The following ZNF407 variants were observed in gnomAD, a reference collection of about 807,000 sequenced individuals.
The protein encoded by ZNF407 is zinc finger protein 407.
Under a neutral mutation model 131.2 loss-of-function variants are expected in ZNF407, and 17 were observed. The observed-to-expected ratio is 0.13, with a 90% CI of 0.09 to 0.19. ZNF407 has a LOEUF of 0.19. ZNF407 is among the 10% of genes least tolerant of loss of function. The pLI is 1.00. For missense variants in ZNF407, 2,681 were observed against 2,830.6 expected, an observed-to-expected ratio of 0.95 and a Z score of 1.20; for synonymous variants, 1,156 against 1,062.0, an observed-to-expected ratio of 1.09 and a Z score of -1.72.
intron 1 of ZNF407, among the ~76,000 whole-genome samples, chr18:74,612,142 A>G (rs1258030683): frequency 6.6e-6 from 1 of 152,228 alleles, no homozygotes; most frequent in Non-Finnish European, 1.5e-5. Context: ...CTACTTGTAG[A>G]AGAATACACA....
chr18:75,060,569 G>C (rs1599317128), intron 8 of ZNF407, among the ~76,000 whole-genome samples: 1 of 145,612 alleles, frequency 6.9e-6, no homozygotes, highest in South Asian at 2.2e-4. Flanking sequence ...GCGATGGCGC[G>C]GTCTCGGCTC....
chr18:74,720,036 A>G (rs1967990902), intron 3 of ZNF407, among the ~76,000 whole-genome samples: 2 of 151,856 alleles, frequency 1.3e-5, no homozygotes, highest in Admixed American at 6.6e-5. Context: ...GCTGCATCGC[A>G]TGGTTGATCT....
intron 4 of ZNF407, among the ~76,000 whole-genome samples, chr18:74,806,398 C>T (rs905306934): frequency 9.9e-5 from 15 of 152,158 alleles, no homozygotes; most frequent in African/African-American, 3.6e-4. Context: ...TCTGCTTTAG[C>T]CTATGCCAAT....
chr18:74,817,918 A>G (rs1008788031), intron 4 of ZNF407, among the ~76,000 whole-genome samples: 1 of 152,248 alleles, frequency 6.6e-6, no homozygotes, highest in Non-Finnish European at 1.5e-5. Flanking sequence ...TGAGTGAGGT[A>G]GAATGGGTTG....
In ZNF407 at chr18:74,635,181, G is replaced by A. The variant is rs1281675566; in HGVS notation, c.4162G>A (p.Glu1388Lys). The A allele has an allele frequency of 6.2e-7, 1 of 1,614,018 alleles. No homozygotes were observed. The highest frequency in any genetic ancestry group is 8.5e-7 in the Non-Finnish European group (1 of 1,179,890). The change falls in exon 2 of 9, where the codon GAG (glutamate) becomes AAG (lysine). Residue 1388 changes from glutamate to lysine, a missense_variant. By Grantham distance (56) the Glu-to-Lys change is moderately conservative. Around this residue, in one of 6 missense-constraint regions of ZNF407, gnomAD observed 1,789 missense variants for 1,748.7 expected, o/e 1.02. Transcript: ENST00000299687. This position sits in a 1 kb window ranked among gnomAD's most constrained non-coding sequence, Gnocchi z 4.7. ...GATAGCAACGGGAGTGAGAATTAGT[G>A]AGCTGCCCTTGAAAGACTGTGCTCA... ...GLIATGVRIS[E>K]LPLKDCAQGV...
In ZNF407 at chr18:74,633,059, A is replaced by G. The variant is rs1235349461; in HGVS notation, c.2040A>G (p.Lys680=). 2 of 1,613,852 alleles carry G rather than the reference A, an allele frequency of 1.2e-6. No individual in the cohort carries two copies. Among genetic ancestry groups the G allele is most frequent in the Non-Finnish European group, 1.7e-6 (2 of 1,179,900 alleles). ...AAGAGTCTATGGATGACTCAGGAAA[A>G]GCATCTCAGGAAGAACCTCTGAAGT... The part of the protein sequence containing the change: ...NAKESMDDSG[K]ASQEEPLKSR... The change falls in exon 2 of 9, where the codon AAA becomes AAG. Residue 680 remains lysine, a synonymous_variant. Coordinates refer to ENST00000299687, the MANE Select transcript of ZNF407 (RefSeq NM_017757.3).
chr18:74,892,395 A>G (rs1033747753), intron 7 of ZNF407, among the ~76,000 whole-genome samples: 1 of 152,174 alleles, frequency 6.6e-6, no homozygotes, highest in Non-Finnish European at 1.5e-5. Flanking sequence ...TCATAGGATT[A>G]TGGTAAATAT....
chr18:74,778,337 C>G (rs1468754243), intron 3 of ZNF407, among the ~76,000 whole-genome samples: 1 of 152,220 alleles, frequency 6.6e-6, no homozygotes, highest in Non-Finnish European at 1.5e-5. Context: ...TATTCCTTGG[C>G]AGGCACCGTG....
chr18:74,864,697 T>G (rs950474082), intron 4 of ZNF407, among the ~76,000 whole-genome samples: 3 of 151,938 alleles, frequency 2.0e-5, no homozygotes, highest in African/African-American at 7.3e-5. Flanking sequence ...ATTTAGGGAG[T>G]GTGTGAATAT....
In ZNF407 at chr18:74,761,446, C is replaced by G. The variant is rs78000575; in HGVS notation, c.4803-19982C>G. On this transcript the variant is annotated intron_variant, in intron 3 of 8. Transcript: ENST00000299687. ...TTAGCACAATTTTTTTTACAAAGCACATTGTCTGAAAATATTTATTAATTG... is the reference window on the plus strand; with the variant it reads ...TTAGCACAATTTTTTTTACAAAGCAGATTGTCTGAAAATATTTATTAATTG... 9.9e-3 allele frequency among the ~76,000 whole-genome samples: 1,506 copies of G among 152,026 alleles called. 26 individuals are homozygous for G. The highest frequency in any genetic ancestry group is 0.035 in the African/African-American group (1,443 of 41,450).
intron 4 of ZNF407, among the ~76,000 whole-genome samples, chr18:74,809,447 T>C (rs1970162265): frequency 6.6e-6 from 1 of 152,202 alleles, no homozygotes; most frequent in African/African-American, 2.4e-5. Context: ...AATCTCTAGG[T>C]TTCAGTTTAT....
chr18:74,809,011 A>G (rs976686900), intron 4 of ZNF407, among the ~76,000 whole-genome samples: 1 of 152,216 alleles, frequency 6.6e-6, no homozygotes, highest in African/African-American at 2.4e-5. Context: ...AACCGTGGGT[A>G]AATAAGAGTG....
chr18:75,036,964 G>A (rs979371032), intron 8 of ZNF407, among the ~76,000 whole-genome samples: 6 of 152,178 alleles, frequency 3.9e-5, no homozygotes, highest in African/African-American at 9.6e-5. Flanking sequence ...AGAACTACGC[G>A]GATTGTCTTT....
At chr18:75,003,017 GTTCTT>G (rs1972866431) in intron 8 of ZNF407, among the ~76,000 whole-genome samples, 1 of 152,134 alleles carries the variant, frequency 6.6e-6, no homozygotes, top group Admixed American at 6.5e-5. Context: ...TTCATGCTTG[GTTCTT>G]AGGACACAGA....
chr18:75,060,531 A>T (rs1349801985), intron 8 of ZNF407, among the ~76,000 whole-genome samples: 1 of 103,228 alleles, frequency 9.7e-6, no homozygotes, highest in African/African-American at 3.7e-5. Context: ...TTTGCGACGG[A>T]GTCTCGCTCT....
intron 4 of ZNF407, among the ~76,000 whole-genome samples, chr18:74,793,321 T>C (rs10514140): frequency 0.17 from 25,398 of 152,174 alleles, 2,402 homozygotes; most frequent in Non-Finnish European, 0.22. Context: ...TGTAATATTT[T>C]TAGTTTTCAG....
intron 4 of ZNF407, among the ~76,000 whole-genome samples, chr18:74,831,069 G>C (rs899052036): frequency 6.6e-6 from 1 of 152,150 alleles, no homozygotes; most frequent in African/African-American, 2.4e-5. Context: ...ATGTCCTCCA[G>C]TTCCATCTAT....
At chr18:75,018,001 A>G (rs1299247038) in intron 8 of ZNF407, among the ~76,000 whole-genome samples, 1 of 152,214 alleles carries the variant, frequency 6.6e-6, no homozygotes, top group Non-Finnish European at 1.5e-5. Flanking sequence ...CTTGGGTGGG[A>G]GAGTTTAATC....
At chr18:74,810,577 T>C (rs981681545) in intron 4 of ZNF407, among the ~76,000 whole-genome samples, 6 of 152,226 alleles carry the variant, frequency 3.9e-5, no homozygotes, top group Admixed American at 1.3e-4. Context: ...AACACTTTTA[T>C]TTATTCCTAG....
Sources: allele counts gnomAD v4.1 joint callset (sites outside exome capture counted in the v4.1 genomes callset), GRCh38; gene constraint gnomAD v4.1.1; regional missense constraint gnomAD v4.1.1; non-coding constraint Gnocchi (gnomAD v3.1); transcripts MANE v1.5; gene names NCBI Gene and HGNC (gene_info 2026-07-23, HGNC 2026-07-21).